ZDHHC21: variants seen among roughly 807,000 people sequenced by gnomAD.
ZDHHC21 encodes the protein palmitoyltransferase ZDHHC21.
A neutral mutation model predicts 34.6 loss-of-function variants in ZDHHC21; 15 were observed. That is an observed-to-expected ratio of 0.43 (90% CI 0.29 to 0.67). The LOEUF is 0.67. Ranked by LOEUF, ZDHHC21 falls within the 30% of genes least tolerant of loss-of-function variation. The probability of loss-of-function intolerance (pLI) is 0.14; values close to 1 mark genes in which losing one functional copy is unlikely to be tolerated. For synonymous variants in ZDHHC21, 142 were observed against 101.8 expected, an observed-to-expected ratio of 1.40 and a Z score of -2.38; for missense variants, 344 against 327.7, an observed-to-expected ratio of 1.05 and a Z score of -0.38.
chr9:14,619,679 T>A lies in ZDHHC21; in HGVS notation c.625A>T (p.Thr209Ser). ...YTQLIGIITD[T>S]TSIEKMSNCC... ...TTTGACATCTTTTCAATAGATGTTG[T>A]ATCCTATTAAAAATAAAAAATTATA... Residue 209 changes from threonine (T) to serine (S), a missense_variant, in exon 9 of 10, where the codon ACA (threonine) becomes TCA (serine). Thr to Ser is a moderately conservative substitution (Grantham distance 58). Transcript: ENST00000380916. 7.2e-7 allele frequency: 1 copy of A among 1,380,306 alleles called. No individual in the cohort carries two copies. The highest frequency in any genetic ancestry group is 1.0e-6 in the Non-Finnish European group (1 of 1,002,928). 85.5% of individuals were successfully genotyped at this position (1,380,306 alleles called of 1,614,324 possible). A position where few individuals can be genotyped will look rare whatever the true frequency, so the allele number is the denominator to read the frequency against.
Position 14,618,804 on chromosome 9 carries a change from C to G in ZDHHC21, c.*162G>C, listed in dbSNP as rs909793216. The G allele has an allele frequency of 3.1e-6, 2 of 654,150 alleles. No individual in the cohort carries two copies. The highest frequency in any genetic ancestry group is 8.4e-5 in the Admixed American group (2 of 23,712). 40.5% of individuals were successfully genotyped at this position (654,150 alleles called of 1,614,324 possible). ...TATAGATCTTGTATTAGTCCCACAA[C>G]AGGATCAAGATCACTATTAAAATAA... On this transcript the variant is annotated 3_prime_UTR_variant, in exon 10 of 10. Coordinates refer to ENST00000380916, the MANE Select transcript of ZDHHC21 (RefSeq NM_178566.6).
intron 8 of ZDHHC21, among the ~76,000 whole-genome samples, chr9:14,623,160 A>C (rs1825602935): frequency 1.3e-5 from 2 of 151,972 alleles, no homozygotes; most frequent in African/African-American, 4.8e-5. Context: ...CAACAACAAA[A>C]AAAAAAACAG....
At chr9:14,670,060 C>A (rs1002732491) in intron 5 of ZDHHC21, among the ~76,000 whole-genome samples, 2 of 151,652 alleles carry the variant, frequency 1.3e-5, no homozygotes, top group African/African-American at 4.8e-5. Context: ...ACTTTGAATT[C>A]ACACATTGCA....
At chr9:14,663,031 T>C (rs978093123) in intron 5 of ZDHHC21, among the ~76,000 whole-genome samples, 3 of 152,202 alleles carry the variant, frequency 2.0e-5, no homozygotes, top group Non-Finnish European at 4.4e-5. Context: ...CAATTTCCTC[T>C]AATCTGGAGT....
chr9:14,591,760 A>G, the ZDHHC21 span, among the ~76,000 whole-genome samples: 1 of 152,154 alleles, frequency 6.6e-6, no homozygotes, highest in Non-Finnish European at 1.5e-5. Context: ...TGAAACAGTA[A>G]AAGTTACTGA....
At chr9:14,673,010 T>A in intron 4 of ZDHHC21, 82 bp from the exon 5 acceptor site, 2 of 901,198 alleles carry the variant, frequency 2.2e-6, no homozygotes, top group East Asian at 2.8e-5. Flanking sequence ...GTTTAAAATG[T>A]ATATTTTAAC....
chr9:14,636,696 G>T lies in ZDHHC21; in HGVS notation c.621+3200C>A, dbSNP rs562355112. On this transcript the variant is annotated intron_variant, in intron 8 of 9. Coordinates refer to ENST00000380916, the MANE Select transcript of ZDHHC21 (RefSeq NM_178566.6). The stretch of plus-strand genomic sequence containing the variant: ...AAGAAACATGAAAAAAATCTAAATT[G>T]TATCAAGTATCTTCTGAGACCACAG... 5.9e-5 allele frequency among the ~76,000 whole-genome samples: 9 copies of T among 152,118 alleles called. No homozygotes were observed. The East Asian group carries it at 9.7e-4, about 16-fold the overall frequency.
At chr9:14,648,883 A>T (rs1830723450) in intron 7 of ZDHHC21, among the ~76,000 whole-genome samples, 1 of 152,114 alleles carries the variant, frequency 6.6e-6, no homozygotes, top group African/African-American at 2.4e-5. Flanking sequence ...TTATTTATAA[A>T]CCACAGCTTA....
the ZDHHC21 span, among the ~76,000 whole-genome samples, chr9:14,596,352 G>A: frequency 2.0e-4 from 30 of 152,334 alleles, no homozygotes; most frequent in African/African-American, 6.7e-4. Context: ...CAAGCAAGCC[G>A]CTAGGTTGTT....
In ZDHHC21 at chr9:14,614,916, A is replaced by G. The variant is rs1239626768; in HGVS notation, c.*4050T>C. The G allele has an allele frequency of 1.3e-5, 2 of 151,678 alleles. No individual in the cohort carries two copies. Among genetic ancestry groups the G allele is most frequent in the African/African-American group, 4.8e-5 (2 of 41,414 alleles). 9.4% of individuals were successfully genotyped at this position (151,678 alleles called of 1,614,324 possible). The stretch of plus-strand genomic sequence containing the variant: ...AGAGGTCATGTCAGAAACTTATTCA[A>G]TAAAGTAACTATAGGTTATTAAACT... On this transcript the variant is annotated 3_prime_UTR_variant, in exon 10 of 10. Coordinates refer to ENST00000380916, the MANE Select transcript of ZDHHC21 (RefSeq NM_178566.6).
chr9:14,641,834 A>C (rs1423446425), intron 7 of ZDHHC21, among the ~76,000 whole-genome samples: 1 of 151,940 alleles, frequency 6.6e-6, no homozygotes, highest in Non-Finnish European at 1.5e-5. Flanking sequence ...TATATAAAAG[A>C]GTGCTGTTGT....
chr9:14,690,685 G>A (rs916878711), intron 1 of ZDHHC21, among the ~76,000 whole-genome samples: 10 of 152,110 alleles, frequency 6.6e-5, no homozygotes. Flanking sequence ...AACACATAAA[G>A]TACCATCATA....
intron 5 of ZDHHC21, among the ~76,000 whole-genome samples, chr9:14,672,106 G>A (rs558359941): frequency 6.6e-6 from 1 of 152,114 alleles, no homozygotes; most frequent in South Asian, 2.1e-4. Context: ...AAGTCATTGT[G>A]TTTTAAAAAA....
chr9:14,664,563 G>A (rs1268032137), intron 5 of ZDHHC21, among the ~76,000 whole-genome samples: 3 of 151,346 alleles, frequency 2.0e-5, no homozygotes, highest in African/African-American at 7.3e-5. Context: ...GCAGGGCACA[G>A]ACAAACAAAA....
At chr9:14,659,316 C>T (rs1370238697) in intron 6 of ZDHHC21, among the ~76,000 whole-genome samples, 2 of 152,132 alleles carry the variant, frequency 1.3e-5, no homozygotes, top group Non-Finnish European at 2.9e-5. Flanking sequence ...AATCTGAATG[C>T]CCTGAAGTAA....
chr9:14,673,006 A>G, intron 4 of ZDHHC21, 78 bp from the exon 5 acceptor site: 1 of 939,866 alleles, frequency 1.1e-6, no homozygotes, highest in Non-Finnish European at 1.5e-6. Context: ...TAAAGTTTAA[A>G]ATGTATATTT....
At position 14,628,066 on chromosome 9, in the gene ZDHHC21, A is replaced by G. The variant is rs144955022; in HGVS notation, c.622-8384T>C. Among the ~76,000 whole-genome samples the G allele has an allele frequency of 1.2e-4, 19 of 152,326 alleles. No individual in the cohort carries two copies. In the East Asian group the frequency reaches 3.5e-3, roughly 28 times the overall value. On this transcript the variant is annotated intron_variant, in intron 8 of 9. Coordinates refer to ENST00000380916, the MANE Select transcript of ZDHHC21 (RefSeq NM_178566.6). ...CCAATATAAATTGTAGTAAAAACGC[A>G]CAAAAACGTATATTTAAATCCTGTT...
At chr9:14,693,050 A>C (rs1461073050) in intron 1 of ZDHHC21, among the ~76,000 whole-genome samples, 179 bp downstream of exon 1, 1 of 150,484 alleles carries the variant, frequency 6.6e-6, no homozygotes, top group African/African-American at 2.5e-5. Flanking sequence ...GCACCGAGAA[A>C]CCCCCGGGTT....
intron 7 of ZDHHC21, among the ~76,000 whole-genome samples, chr9:14,651,196 T>C (rs978892177): frequency 1.1e-4 from 17 of 151,854 alleles, no homozygotes; most frequent in African/African-American, 4.1e-4. Flanking sequence ...TTATAAGATA[T>C]AACAGACTGC....
Sources: allele counts gnomAD v4.1 joint callset (sites outside exome capture counted in the v4.1 genomes callset), GRCh38; gene constraint gnomAD v4.1.1; transcripts MANE v1.5; gene names NCBI Gene and HGNC (gene_info 2026-07-23, HGNC 2026-07-21).